The following TMC4 variants were observed in gnomAD, a reference collection of about 807,000 sequenced individuals.
The protein encoded by TMC4 is transmembrane channel like 4.
Under a neutral mutation model 82.0 loss-of-function variants are expected in TMC4, and 70 were observed. That is an observed-to-expected ratio of 0.85 (90% CI 0.70 to 1.04). The LOEUF is 1.04. Ranked by LOEUF, TMC4 falls within the 50% of genes least tolerant of loss-of-function variation. The pLI is 0.00. For missense variants in TMC4, 879 were observed against 899.0 expected (o/e 0.98, Z 0.28); for synonymous variants, 446 against 406.0 (o/e 1.10, Z -1.18).
At chr19:54,171,625 C>G (rs2075889957) in intron 2 of TMC4, among the ~76,000 whole-genome samples, 2 of 152,100 alleles carry the variant, frequency 1.3e-5, no homozygotes, top group Non-Finnish European at 1.5e-5. Flanking sequence ...TGGTGGAGAC[C>G]AGGGAGACGG....
chr19:54,164,856 C>G, intron 6 of TMC4: 2 of 568,134 alleles, frequency 3.5e-6, no homozygotes, highest in Non-Finnish European at 6.2e-6. Flanking sequence ...CCCCAGGCCC[C>G]GCCCCTGAGG....
Position 54,165,485 on chromosome 19 carries a change from C to T in TMC4, c.879G>A (p.Trp293Ter), listed in dbSNP as rs758641515. ...TSYSHRVFSA[W>*]DFGLCGDVHV... is the part of the protein sequence containing the mutation. The stretch of plus-strand genomic sequence containing the variant: ...GGACGTCCCCGCAGAGACCGAAGTC[C>T]CAGGCCGAGAACACCCGGTGGCTGT... The change falls in exon 6 of 15, where the codon TGG becomes TGA. Residue 293 changes from tryptophan (W) to a stop codon, truncating the protein, a stop_gained. Coordinates refer to ENST00000619895, the MANE Select transcript of TMC4 (RefSeq NM_144686.4). LOFTEE classifies it high-confidence loss of function. 40 of 1,612,982 alleles carry T rather than the reference C, an allele frequency of 2.5e-5. No individual in the cohort carries two copies. The highest frequency in any genetic ancestry group is 3.4e-5 in the Non-Finnish European group (40 of 1,179,572).
intron 11 of TMC4, among the ~76,000 whole-genome samples, chr19:54,161,643 A>T (rs922130867): frequency 2.0e-5 from 3 of 152,116 alleles, no homozygotes; most frequent in African/African-American, 7.2e-5. Context: ...GGTTCAAGCA[A>T]TTCCCCTGCC....
rs760680221 is a variant in TMC4, at chr19:54,163,710, C to G, written c.1277+14G>C. 1 of 1,613,902 alleles carries G rather than the reference C, an allele frequency of 6.2e-7. No individual in the cohort carries two copies. Among genetic ancestry groups the G allele is most frequent in the Non-Finnish European group, 8.5e-7 (1 of 1,179,888 alleles). ...ACCCTTCATCATTCCCAGCCATCCC[C>G]GTGAGGCTGGAACCTGAGCAGGATA... On this transcript the variant is annotated intron_variant, in intron 8 of 14. Coordinates refer to ENST00000619895, the MANE Select transcript of TMC4 (RefSeq NM_144686.4).
Position 54,168,691 on chromosome 19 carries a change from C to T in TMC4, c.443-11G>A. On this transcript the variant is annotated splice_polypyrimidine_tract_variant and intron_variant, in intron 3 of 14. Transcript: ENST00000619895. The stretch of plus-strand genomic sequence containing the variant: ...CGGCGCCAAACTGGCCTGCAGGGGG[C>T]AGCAGAGAGAGGCTCAGGTTCCTTC... 1 of 1,491,266 alleles carries T rather than the reference C, an allele frequency of 6.7e-7. No individual in the cohort carries two copies. The allele number at this position is 1,491,266 out of a possible 1,614,324, so 92.4% of individuals were successfully genotyped here.
At chr19:54,165,590 G>A (rs756644023) in intron 5 of TMC4, 24 bp from the exon 6 acceptor site, 43 of 1,587,032 alleles carry the variant, frequency 2.7e-5, no homozygotes, top group Admixed American at 5.1e-5. Context: ...CCCGGGAGAC[G>A]GGAAGTGAAA....
chr19:54,165,699 A>T, intron 5 of TMC4, 133 bp from the exon 6 acceptor site: 1 of 1,009,674 alleles, frequency 9.9e-7, no homozygotes. Context: ...TTCCCACCAG[A>T]CCAGATGGGG....
At chr19:54,163,452 A>G (rs2075620752) in intron 8 of TMC4, among the ~76,000 whole-genome samples, 1 of 151,786 alleles carries the variant, frequency 6.6e-6, no homozygotes, top group Non-Finnish European at 1.5e-5. Flanking sequence ...CTGGGACTAC[A>G]GAAGCCACTA....
rs1443287921 is a variant in TMC4, at chr19:54,172,022, G to T, written c.141C>A (p.Asp47Glu). Residue 47 changes from aspartate to glutamate, a missense_variant, in exon 2 of 15, where the codon GAC becomes GAA. Transcript: ENST00000619895. The stretch of plus-strand genomic sequence containing the variant: ...GCGCCCCCCAAGGCAGCACCCCAGG[G>T]TCTCGGTACCGAAGGGTGGCAGCAC... ...LPSAATLRYR[D>E]PGVLPWGALE... 6.2e-6 allele frequency: 10 copies of T among 1,613,174 alleles called. No individual in the cohort carries two copies. The highest frequency in any genetic ancestry group is 8.5e-6 in the Non-Finnish European group (10 of 1,179,628).
chr19:54,163,666 C>T, intron 8 of TMC4, 58 bp downstream of exon 8: 2 of 1,587,664 alleles, frequency 1.3e-6, no homozygotes, highest in Non-Finnish European at 1.7e-6. Context: ...TCAGCGCCAA[C>T]ATCCCTCTGA....
Position 54,173,130 on chromosome 19 carries a change from G to T in TMC4, c.-13C>A. 1 of 1,613,602 alleles carries T rather than the reference G, an allele frequency of 6.2e-7. No homozygotes were observed. Among genetic ancestry groups the T allele is most frequent in the Admixed American group, 1.7e-5 (1 of 59,972 alleles). On this transcript the variant is annotated 5_prime_UTR_variant, in exon 1 of 15. Coordinates refer to ENST00000619895, the MANE Select transcript of TMC4 (RefSeq NM_144686.4). ...GGTTTTCTTCCATGGCCCCAGGCTG[G>T]GCTGTCTCTAGTGGCCACCAGGCAG...
In TMC4 at chr19:54,169,651, A is replaced by T. The variant is rs2075836721; in HGVS notation, c.303T>A (p.Asn101Lys). Reference protein sequence around the residue: ...MQARRAHRQRNASRDQVVYGS... With the variant: ...MQARRAHRQRKASRDQVVYGS... ...CATAGACCACCTGGTCCCTGCTGGC[A>T]TTTCTTTGCCTGGGAGGGAAACAGG... The change falls in exon 3 of 15, where the codon AAT (asparagine) becomes AAA (lysine). Residue 101 changes from asparagine (N) to lysine (K), a missense_variant. Transcript: ENST00000619895. The T allele has an allele frequency of 1.2e-6, 2 of 1,613,530 alleles. No homozygotes were observed. Among genetic ancestry groups the T allele is most frequent in the Non-Finnish European group, 1.7e-6 (2 of 1,179,866 alleles).
intron 8 of TMC4, 174 bp downstream of exon 8, chr19:54,163,550 C>A: frequency 1.3e-6 from 1 of 771,636 alleles, no homozygotes; most frequent in Non-Finnish European, 2.2e-6. Context: ...TCAGCCTCGG[C>A]CTCCCAAAGT....
chr19:54,168,793 C>CTTTTCTTTTTTTCTTTTCTTTTCTTTTCT (rs1555824719), intron 3 of TMC4, 113 bp from the exon 4 acceptor site: 1 of 90,926 alleles, frequency 1.1e-5, no homozygotes, highest in Non-Finnish European at 1.6e-5. Flanking sequence ...CTTTTCTTTT[C>CTTTTCTTTTTTTCTTTTCTTTTCTTTTCT]TTTCTTTTCT....
At position 54,161,116 on chromosome 19, in the gene TMC4, C is replaced by A. The variant is rs373087801; in HGVS notation, c.1817+14G>T. ...AGAGAGGGAGGGAGAGAGGCGGGAG[C>A]CTCTCGCACTTACAGGAAGATGCTG... On this transcript the variant is annotated intron_variant, in intron 12 of 14. Transcript: ENST00000619895. 1 of 1,584,512 alleles carries A rather than the reference C, an allele frequency of 6.3e-7. No homozygotes were observed. Among genetic ancestry groups the A allele is most frequent in the Non-Finnish European group, 8.6e-7 (1 of 1,165,408 alleles).
At chr19:54,169,914 A>G (rs2075842773) in intron 2 of TMC4, among the ~76,000 whole-genome samples, 1 of 150,860 alleles carries the variant, frequency 6.6e-6, no homozygotes, top group Admixed American at 6.6e-5. Context: ...ACATGGTGAA[A>G]TCCTGTCTCT....
At chr19:54,162,376 T>A in intron 10 of TMC4, 91 bp from the exon 11 acceptor site, 1 of 485,748 alleles carries the variant, frequency 2.1e-6, no homozygotes, top group Non-Finnish European at 3.2e-6. Context: ...ATAGGAAGCA[T>A]GCGTATTGGT....
chr19:54,163,721 A>T lies in TMC4; in HGVS notation c.1277+3T>A. The T allele has an allele frequency of 6.2e-7, 1 of 1,614,028 alleles. No individual in the cohort carries two copies. Among genetic ancestry groups the T allele is most frequent in the Non-Finnish European group, 8.5e-7 (1 of 1,179,988 alleles). On this transcript the variant is annotated splice_donor_region_variant and intron_variant, in intron 8 of 14. Transcript: ENST00000619895. ...TTCCCAGCCATCCCCGTGAGGCTGG[A>T]ACCTGAGCAGGATAAAAACGATCTG...
At position 54,168,225 on chromosome 19, in the gene TMC4, T is replaced by TA. The variant is rs1319593777; in HGVS notation, c.742dup (p.Tyr248LeufsTer208). 6.3e-7 allele frequency: 1 copy of TA among 1,589,080 alleles called. No individual in the cohort carries two copies. Among genetic ancestry groups the TA allele is most frequent in the Non-Finnish European group, 8.6e-7 (1 of 1,167,548 alleles). On this transcript the variant is annotated frameshift_variant, in exon 5 of 15. Transcript: ENST00000619895. LOFTEE classifies it high-confidence loss of function. ...GCCAACGGCAAAGGCCCAGCACAGG[T>TA]AGGTGACCGCCAGGCGTGGGCGGGG...
Sources: gnomAD v4.1 joint callset for allele counts (sites outside exome capture counted in the v4.1 genomes callset) on GRCh38, gnomAD v4.1.1 for gene constraint, MANE v1.5 for transcripts, NCBI Gene and HGNC (gene_info 2026-07-23, HGNC 2026-07-21) for gene names.